Variants in CCSER1 observed in about 807,000 individuals in gnomAD.
The protein encoded by CCSER1 is coiled-coil serine rich protein 1.
CCSER1 carries 41 observed loss-of-function variants against 82.0 expected under a neutral mutation model. The observed-to-expected ratio is 0.50, with a 90% CI of 0.39 to 0.65. The LOEUF is 0.65. Ranked by LOEUF, CCSER1 falls within the 30% of genes least tolerant of loss-of-function variation. The pLI, the probability that CCSER1 is intolerant of heterozygous loss-of-function variation, is 0.00. For synonymous variants in CCSER1, 414 were observed against 383.9 expected (o/e 1.08, Z -0.92); for missense variants, 1,119 against 1,064.2 (o/e 1.05, Z -0.72).
chr4:90,505,756 A>G (rs1770594562), intron 5 of CCSER1, among the ~76,000 whole-genome samples: 1 of 152,134 alleles, frequency 6.6e-6, no homozygotes, highest in African/African-American at 2.4e-5. Context: ...AGTATATTAT[A>G]ATTTGCATAT....
chr4:91,479,330 C>T (rs1352793342), intron 10 of CCSER1, among the ~76,000 whole-genome samples: 3 of 151,270 alleles, frequency 2.0e-5, no homozygotes, highest in African/African-American at 7.3e-5. Flanking sequence ...ATTAAAAATT[C>T]CTAAAATTAA....
At chr4:90,445,172 A>T (rs566995224) in intron 4 of CCSER1, among the ~76,000 whole-genome samples, 2 of 152,194 alleles carry the variant, frequency 1.3e-5, no homozygotes, top group Admixed American at 1.3e-4. Flanking sequence ...GATATACATT[A>T]TAACTCATTG....
intron 10 of CCSER1, among the ~76,000 whole-genome samples, chr4:91,398,515 A>C (rs540352126): frequency 6.6e-6 from 1 of 152,074 alleles, no homozygotes; most frequent in East Asian, 1.9e-4. Flanking sequence ...GATAATAAAA[A>C]ATAGATGAGA....
chr4:90,492,361 A>G (rs1451726063), intron 5 of CCSER1, among the ~76,000 whole-genome samples: 2 of 152,094 alleles, frequency 1.3e-5, no homozygotes, highest in Non-Finnish European at 2.9e-5. Flanking sequence ...ATTGGTGGTT[A>G]TATCCCCTTT....
At chr4:90,624,961 G>A (rs1723001495) in intron 5 of CCSER1, among the ~76,000 whole-genome samples, 1 of 152,152 alleles carries the variant, frequency 6.6e-6, no homozygotes, top group African/African-American at 2.4e-5. Context: ...TAGTTATGGT[G>A]ATTAATGAAC....
At chr4:91,483,051 A>G (rs1028283762) in intron 10 of CCSER1, among the ~76,000 whole-genome samples, 1 of 152,048 alleles carries the variant, frequency 6.6e-6, no homozygotes, top group Non-Finnish European at 1.5e-5. Flanking sequence ...TATGTAACAA[A>G]CCTGCACGTT....
intron 10 of CCSER1, among the ~76,000 whole-genome samples, chr4:91,539,507 A>T (rs2110191470): frequency 6.6e-6 from 1 of 152,214 alleles, no homozygotes; most frequent in African/African-American, 2.4e-5. Context: ...AATAAAATTT[A>T]TCTCAAACAT....
intron 7 of CCSER1, chr4:90,781,417 AC>A: frequency 1.0e-6 from 1 of 985,420 alleles, no homozygotes; most frequent in South Asian, 4.7e-5. Context: ...TCTCTGTAAT[AC>A]TAACCTAACT....
intron 6 of CCSER1, among the ~76,000 whole-genome samples, chr4:90,718,424 C>A (rs908162184): frequency 6.6e-6 from 1 of 152,060 alleles, no homozygotes; most frequent in Non-Finnish European, 1.5e-5. Flanking sequence ...ATTAATGGAT[C>A]TGTACTATGG....
intron 7 of CCSER1, 72 bp downstream of exon 7, chr4:90,724,063 T>C: frequency 1.1e-6 from 1 of 932,846 alleles, no homozygotes; most frequent in Non-Finnish European, 1.7e-6. Flanking sequence ...AAATAGTTTA[T>C]GTGTAGATGG....
At chr4:91,114,009 C>T (rs1314446217) in intron 10 of CCSER1, among the ~76,000 whole-genome samples, 1 of 152,034 alleles carries the variant, frequency 6.6e-6, no homozygotes, top group Non-Finnish European at 1.5e-5. Flanking sequence ...CCCACTACCA[C>T]GCCCGGCTAA....
chr4:90,901,032 T>G (rs895949009), intron 8 of CCSER1, among the ~76,000 whole-genome samples: 4 of 151,942 alleles, frequency 2.6e-5, no homozygotes, highest in Non-Finnish European at 5.9e-5. Context: ...TAGCATCACA[T>G]AATGCTCTAA....
intron 10 of CCSER1, among the ~76,000 whole-genome samples, chr4:91,482,408 C>A (rs367559294): frequency 4.4e-3 from 310 of 69,858 alleles, no homozygotes; most frequent in South Asian, 0.011. Context: ...GACTCCGTCT[C>A]AAAAAAAAAA....
intron 3 of CCSER1, among the ~76,000 whole-genome samples, chr4:90,370,804 G>T (rs1423664441): frequency 1.3e-5 from 2 of 151,892 alleles, no homozygotes; most frequent in Non-Finnish European, 2.9e-5. Context: ...AGATTTAAAG[G>T]TCCTACCGTT....
chr4:90,232,276 T>G (rs909758654), intron 1 of CCSER1, among the ~76,000 whole-genome samples: 2 of 150,718 alleles, frequency 1.3e-5, no homozygotes, highest in African/African-American at 4.9e-5. Context: ...AAAACAGAGA[T>G]GTAGATCAAT....
At chr4:90,826,113 C>G (rs1760401911) in intron 8 of CCSER1, among the ~76,000 whole-genome samples, 2 of 152,138 alleles carry the variant, frequency 1.3e-5, no homozygotes, top group African/African-American at 4.8e-5. Context: ...GTGGAGGAAA[C>G]TTCCTTATTA....
chr4:90,412,471 TA>T (rs900404695), intron 4 of CCSER1, among the ~76,000 whole-genome samples: 52 of 133,164 alleles, frequency 3.9e-4, no homozygotes, highest in African/African-American at 1.1e-3. Flanking sequence ...ATAATAATAA[TA>T]AAAAAAAGAA....
chr4:90,702,150 C>T (rs1399380629), intron 6 of CCSER1, among the ~76,000 whole-genome samples: 1 of 152,066 alleles, frequency 6.6e-6, no homozygotes, highest in Non-Finnish European at 1.5e-5. Flanking sequence ...TATGTCCCAT[C>T]AATATCTATT....
At chr4:90,851,952 T>A (rs1379081268) in intron 8 of CCSER1, among the ~76,000 whole-genome samples, 1 of 152,188 alleles carries the variant, frequency 6.6e-6, no homozygotes, top group East Asian at 1.9e-4. Flanking sequence ...TTAATATATA[T>A]GTAAATTTCT....
Sources: gnomAD v4.1 joint callset for allele counts (sites outside exome capture counted in the v4.1 genomes callset) on GRCh38, gnomAD v4.1.1 for gene constraint, MANE v1.5 for transcripts, NCBI Gene and HGNC (gene_info 2026-07-23, HGNC 2026-07-21) for gene names.